Variants in OPCML observed in about 807,000 individuals in gnomAD.
OPCML encodes the protein opioid binding protein/cell adhesion molecule like, also known as opioid-binding protein/cell adhesion molecule.
A neutral mutation model predicts 37.8 loss-of-function variants in OPCML; 13 were observed. The observed-to-expected ratio is 0.34, with a 90% CI of 0.22 to 0.55. OPCML has a LOEUF of 0.55. Ranked by LOEUF, OPCML falls within the 20% of genes least tolerant of loss-of-function variation. OPCML has a pLI of 0.91. For missense variants in OPCML, 341 were observed against 435.6 expected, an observed-to-expected ratio of 0.78 and a Z score of 1.93; for synonymous variants, 176 against 168.8, an observed-to-expected ratio of 1.04 and a Z score of -0.33.
At chr11:132,531,754 C>G (rs1280179015) in intron 3 of OPCML, among the ~76,000 whole-genome samples, 1 of 94,566 alleles carries the variant, frequency 1.1e-5, no homozygotes, top group Non-Finnish European at 1.8e-5. Context: ...CATGTTCTAC[C>G]CGTTTTTTTT....
At position 132,582,440 on chromosome 11, in the gene OPCML, T is replaced by C. The variant is rs118044256; in HGVS notation, c.380-53254A>G. 8.8e-3 allele frequency among the ~76,000 whole-genome samples: 1,344 copies of C among 152,122 alleles called. 7 individuals are homozygous for C. The highest frequency in any genetic ancestry group is 0.014 in the Non-Finnish European group (969 of 67,982). On this transcript the variant is annotated intron_variant, in intron 3 of 7. Transcript: ENST00000524381. ...AGCAAAAAAGTTTAAATAATCCCAG[T>C]GATGCAAACAACAGCAACAATATAA... is the stretch of plus-strand genomic sequence containing the variant.
rs60816878 is a variant in OPCML at position 132,632,860 on chromosome 11, C to T, written c.379+24227G>A. ...TGTTCAGATGGGCAGGGAGGAGTTTCATCATCAGAGATGATAAAGAAACAT... is the reference window on the plus strand; with the variant it reads ...TGTTCAGATGGGCAGGGAGGAGTTTTATCATCAGAGATGATAAAGAAACAT... On this transcript the variant is annotated intron_variant, in intron 3 of 7. Transcript: ENST00000524381. 4.5e-3 allele frequency among the ~76,000 whole-genome samples: 681 copies of T among 151,350 alleles called. 8 individuals are homozygous for T. Among genetic ancestry groups the T allele is most frequent in the African/African-American group, 0.016 (640 of 41,248 alleles).
intron 4 of OPCML, among the ~76,000 whole-genome samples, chr11:132,451,907 T>A (rs899204036): frequency 1.3e-5 from 2 of 152,184 alleles, no homozygotes; most frequent in African/African-American, 2.4e-5. Flanking sequence ...TCTCTCTTCC[T>A]CTGTATTACC....
At chr11:133,058,596 C>A (rs911652534) in intron 1 of OPCML, among the ~76,000 whole-genome samples, 3 of 152,148 alleles carry the variant, frequency 2.0e-5, no homozygotes, top group Non-Finnish European at 4.4e-5. Flanking sequence ...CAGCTAGTCC[C>A]GCTCCCATCA....
chr11:133,519,082 CG>C (rs1368279285), intron 1 of OPCML, among the ~76,000 whole-genome samples: 1 of 152,064 alleles, frequency 6.6e-6, no homozygotes, highest in Non-Finnish European at 1.5e-5. Flanking sequence ...GCTCCCGTTG[CG>C]GGGTGGCTGA....
intron 1 of OPCML, among the ~76,000 whole-genome samples, chr11:133,084,106 A>G (rs1460232787): frequency 2.6e-5 from 4 of 152,012 alleles, no homozygotes; most frequent in Non-Finnish European, 4.4e-5. Flanking sequence ...TGTATTGTGC[A>G]TTGTACCTAC....
chr11:132,470,409 T>A (rs575626109), intron 4 of OPCML, among the ~76,000 whole-genome samples: 14 of 152,248 alleles, frequency 9.2e-5, no homozygotes, highest in African/African-American at 3.4e-4. Context: ...GATAGCCGTG[T>A]CAGTCACTGA....
rs1023760483 is a variant in OPCML, at chr11:133,381,400, G to A, written c.61+150864C>T. ...AATGTGTGTCAGTAACAAATACAAC[G>A]TAGAAAGAAAAATTCAGCTTGGAGC... On this transcript the variant is annotated intron_variant, in intron 1 of 7. Coordinates refer to ENST00000524381, the MANE Select transcript of OPCML (RefSeq NM_001012393.5). Among the ~76,000 whole-genome samples, 15 of 152,198 alleles carry A rather than the reference G, an allele frequency of 9.9e-5. 1 individual carries two copies. Among genetic ancestry groups the A allele is most frequent in the East Asian group, 1.9e-4 (1 of 5,196 alleles).
chr11:132,945,260 C>T (rs1242987131), intron 1 of OPCML, among the ~76,000 whole-genome samples: 1 of 152,202 alleles, frequency 6.6e-6, no homozygotes, highest in Non-Finnish European at 1.5e-5. Flanking sequence ...TTCCATAAAC[C>T]TAGATGACAC....
At chr11:133,532,121 A>C (rs1209862763) in intron 1 of OPCML, 143 bp downstream of exon 1, 1 of 1,358,428 alleles carries the variant, frequency 7.4e-7, no homozygotes, top group East Asian at 2.5e-5. Flanking sequence ...GCACACAGCA[A>C]GCCTACCTCT....
intron 7 of OPCML, among the ~76,000 whole-genome samples, chr11:132,421,358 T>C (rs1337314109): frequency 1.3e-5 from 2 of 152,206 alleles, no homozygotes; most frequent in Non-Finnish European, 1.5e-5. Flanking sequence ...ACACCTCTTC[T>C]ACCATCTCAA....
At chr11:132,511,358 A>G (rs1415588947) in intron 4 of OPCML, among the ~76,000 whole-genome samples, 1 of 152,184 alleles carries the variant, frequency 6.6e-6, no homozygotes, top group Non-Finnish European at 1.5e-5. Flanking sequence ...CAAAATTAAC[A>G]TATAATTTAA....
intron 1 of OPCML, among the ~76,000 whole-genome samples, chr11:133,096,112 C>T (rs941633397): frequency 2.1e-5 from 3 of 142,302 alleles, no homozygotes; most frequent in Non-Finnish European, 3.0e-5. Context: ...ATAATAGCAA[C>T]AAGGTATTTG....
chr11:132,505,346 G>T (rs767760273), intron 4 of OPCML, among the ~76,000 whole-genome samples: 2 of 152,162 alleles, frequency 1.3e-5, no homozygotes, highest in Non-Finnish European at 1.5e-5. Flanking sequence ...CTCAATTCAT[G>T]TGATCGAGCC....
intron 4 of OPCML, among the ~76,000 whole-genome samples, chr11:132,462,867 G>A (rs1003602905): frequency 3.9e-5 from 6 of 152,146 alleles, no homozygotes; most frequent in South Asian, 2.1e-4. Context: ...GCCCCTGAAG[G>A]TCAGACATGG....
intron 3 of OPCML, among the ~76,000 whole-genome samples, chr11:132,530,264 C>T (rs1364219091): frequency 6.6e-6 from 1 of 152,098 alleles, no homozygotes; most frequent in East Asian, 1.9e-4. Flanking sequence ...CCTAAAATGA[C>T]ACTTGGTCTT....
chr11:133,483,879 A>G (rs1356894229), intron 1 of OPCML, among the ~76,000 whole-genome samples: 1 of 151,344 alleles, frequency 6.6e-6, no homozygotes, highest in East Asian at 2.0e-4. Context: ...AGAGACTTAT[A>G]GATAGATGTA....
At chr11:133,058,303 T>C (rs2136981797) in intron 1 of OPCML, among the ~76,000 whole-genome samples, 1 of 151,754 alleles carries the variant, frequency 6.6e-6, no homozygotes, top group South Asian at 2.1e-4. Flanking sequence ...ATGAGTGAAG[T>C]TCCCCAGAAA....
chr11:133,179,461 A>G (rs1937716285), intron 1 of OPCML, among the ~76,000 whole-genome samples: 1 of 151,816 alleles, frequency 6.6e-6, no homozygotes, highest in African/African-American at 2.4e-5. Flanking sequence ...ACTCCTCACC[A>G]CTCTACAGGG....
Sources: gnomAD v4.1 joint callset for allele counts (sites outside exome capture counted in the v4.1 genomes callset) on GRCh38, gnomAD v4.1.1 for gene constraint, MANE v1.5 for transcripts, NCBI Gene and HGNC (gene_info 2026-07-23, HGNC 2026-07-21) for gene names.